The following FAN1 variants were observed in gnomAD, a reference collection of about 807,000 sequenced individuals.
FAN1 encodes FANCD2 and FANCI associated nuclease 1.
Under a neutral mutation model 104.9 loss-of-function variants are expected in FAN1, and 91 were observed. The observed-to-expected ratio is 0.87, with a 90% CI of 0.73 to 1.03. The LOEUF (loss-of-function observed/expected upper bound fraction) is 1.03, where lower values mean the gene tolerates loss of function less well. Ranked by LOEUF, FAN1 falls within the 50% of genes least tolerant of loss-of-function variation. The pLI is 0.00. For missense variants in FAN1, 1,263 were observed against 1,239.9 expected (o/e 1.02, Z -0.28); for synonymous variants, 478 against 457.6 (o/e 1.04, Z -0.57).
rs1020700775 is a variant in FAN1, at chr15:30,942,535, T to C, written c.*973T>C. On this transcript the variant is annotated 3_prime_UTR_variant, in exon 15 of 15. Coordinates refer to ENST00000362065, the MANE Select transcript of FAN1 (RefSeq NM_014967.5). ...TTAAAAAGGCAAACAATGAATGTTA[T>C]TAGGACAAGAATATAGCAGTCAGGA... 1 of 302,254 alleles carries C rather than the reference T, an allele frequency of 3.3e-6. No individual in the cohort carries two copies. Among genetic ancestry groups the C allele is most frequent in the Non-Finnish European group, 6.1e-6 (1 of 165,010 alleles). 18.7% of individuals were successfully genotyped at this position (302,254 alleles called of 1,614,324 possible).
chr15:30,915,036 A>C lies in FAN1; in HGVS notation c.1811+945A>C, dbSNP rs1331792414. On this transcript the variant is annotated intron_variant, in intron 5 of 14. Coordinates refer to ENST00000362065, the MANE Select transcript of FAN1 (RefSeq NM_014967.5). Reference sequence around the variant, plus strand: ...CTATTGCAGTCTATTCACAATAGCCAAGATAGGGAGTCAACCTAAGTGTCC... The same window carrying C: ...CTATTGCAGTCTATTCACAATAGCCCAGATAGGGAGTCAACCTAAGTGTCC... Among the ~76,000 whole-genome samples the C allele has an allele frequency of 2.6e-5, 4 of 152,388 alleles. No homozygotes were observed. The East Asian group carries it at 7.7e-4, about 29-fold the overall frequency.
At position 30,904,835 on chromosome 15, in the gene FAN1, C is replaced by G. The variant is rs754760573; in HGVS notation, c.172C>G (p.Arg58Gly). The change falls in exon 2 of 15, where the codon CGG becomes GGG. Residue 58 changes from arginine (R) to glycine (G), a missense_variant. Physicochemically the swap from Arg to Gly is moderately radical, Grantham distance 125. This residue lies in a region of FAN1 where 682 missense variants were observed against 571.1 expected (regional missense o/e 1.19). Coordinates refer to ENST00000362065, the MANE Select transcript of FAN1 (RefSeq NM_014967.5). ...SKMVPRYDLN[R>G]HLDEMCANND... ...AATGGTGCCTAGATATGACTTAAACCGGCACCTTGATGAAATGTGTGCTAA... is the reference window on the plus strand; with the variant it reads ...AATGGTGCCTAGATATGACTTAAACGGGCACCTTGATGAAATGTGTGCTAA... 1.2e-6 allele frequency: 2 copies of G among 1,613,128 alleles called. No homozygotes were observed. The highest frequency in any genetic ancestry group is 8.5e-7 in the Non-Finnish European group (1 of 1,179,294).
At chr15:30,906,852 T>C (rs1399916065) in intron 2 of FAN1, among the ~76,000 whole-genome samples, 1 of 152,222 alleles carries the variant, frequency 6.6e-6, no homozygotes, top group Non-Finnish European at 1.5e-5. Context: ...TAATAGCACA[T>C]TGGCTTTTCT....
Position 30,904,834 on chromosome 15 carries a change from C to T in FAN1, c.171C>T (p.Asn57=), listed in dbSNP as rs751192352. Residue 57 remains asparagine (N), a synonymous_variant, in exon 2 of 15, where the codon AAC becomes AAT. Transcript: ENST00000362065. ...CSKMVPRYDL[N]RHLDEMCANN... is the part of the protein sequence containing the mutation. ...AAATGGTGCCTAGATATGACTTAAA[C>T]CGGCACCTTGATGAAATGTGTGCTA... 8 of 1,613,334 alleles carry T rather than the reference C, an allele frequency of 5.0e-6. No homozygotes were observed. The highest frequency in any genetic ancestry group is 6.8e-6 in the Non-Finnish European group (8 of 1,179,336).
At position 30,942,371 on chromosome 15, in the gene FAN1, C is replaced by G. The variant is rs147975640; in HGVS notation, c.*809C>G. The G allele has an allele frequency of 3.5e-4, 159 of 448,452 alleles. 2 individuals are homozygous for G. The East Asian group carries it at 6.3e-3, about 18-fold the overall frequency. The allele number at this position is 448,452 out of a possible 1,614,324, so 27.8% of individuals were successfully genotyped here. Reference sequence around the variant, plus strand: ...AAGACGGGCTAGAAAAAACACTAGACCTGGCCGATTCTATCAAGAACAATG... The same window carrying G: ...AAGACGGGCTAGAAAAAACACTAGAGCTGGCCGATTCTATCAAGAACAATG... On this transcript the variant is annotated 3_prime_UTR_variant, in exon 15 of 15. Coordinates refer to ENST00000362065, the MANE Select transcript of FAN1 (RefSeq NM_014967.5).
chr15:30,912,602 C>T (rs2062122110), intron 4 of FAN1, among the ~76,000 whole-genome samples: 1 of 152,192 alleles, frequency 6.6e-6, no homozygotes, highest in Non-Finnish European at 1.5e-5. Flanking sequence ...TGGCACTCAT[C>T]TCTCCCACAC....
rs770905269 is a variant in FAN1 at position 30,905,307 on chromosome 15, T to G, written c.644T>G (p.Val215Gly). The change falls in exon 2 of 15, where the codon GTG (valine) becomes GGG (glycine). Residue 215 changes from valine to glycine, a missense_variant. By Grantham distance (109) the Val-to-Gly change is moderately radical (BLOSUM62 -3). Coordinates refer to ENST00000362065, the MANE Select transcript of FAN1 (RefSeq NM_014967.5). ...GAGAACAGTTCTCAAAAAGAAAACG[T>G]GTTTAAATGTGATTCTCTAAAGGAA... is the stretch of plus-strand genomic sequence containing the variant. ...ILENSSQKEN[V>G]FKCDSLKEEC... 65 of 1,613,828 alleles carry G rather than the reference T, an allele frequency of 4.0e-5. No individual in the cohort carries two copies. Among genetic ancestry groups the G allele is most frequent in the Non-Finnish European group, 5.4e-5 (64 of 1,179,984 alleles).
intron 14 of FAN1, chr15:30,941,018 G>A (rs1164803967): frequency 5.1e-6 from 6 of 1,166,080 alleles, no homozygotes; most frequent in Non-Finnish European, 6.4e-6. Flanking sequence ...AATTAGAGAC[G>A]ACAGAAAGTA....
In FAN1 at chr15:30,910,777, C is replaced by T. The variant is rs778735115; in HGVS notation, c.1539C>T (p.Gly513=). 38 of 1,613,912 alleles carry T rather than the reference C, an allele frequency of 2.4e-5. No homozygotes were observed. Among genetic ancestry groups the T allele is most frequent in the Non-Finnish European group, 3.1e-5 (37 of 1,179,968 alleles). The change falls in exon 4 of 15, where the codon GGC becomes GGT. Residue 513 remains glycine, a synonymous_variant. Transcript: ENST00000362065. Reference sequence around the variant, plus strand: ...AACAGCGTTCAGTCTGCACTTGGGGCAAGAATAAGCCTGGAATTGGTGCAG... The same window carrying T: ...AACAGCGTTCAGTCTGCACTTGGGGTAAGAATAAGCCTGGAATTGGTGCAG... ...LAKQRSVCTW[G]KNKPGIGAVI...
intron 13 of FAN1, among the ~76,000 whole-genome samples, chr15:30,932,598 A>G (rs948382935): frequency 8.5e-5 from 13 of 152,244 alleles, no homozygotes; most frequent in Admixed American, 2.0e-4. Context: ...TTTAAACAAC[A>G]TAAGGCTGTT....
At chr15:30,906,869 A>G (rs1308465726) in intron 2 of FAN1, among the ~76,000 whole-genome samples, 1 of 152,180 alleles carries the variant, frequency 6.6e-6, no homozygotes, top group Non-Finnish European at 1.5e-5. Flanking sequence ...TTCTATCCAA[A>G]CTAGTCACAG....
intron 14 of FAN1, chr15:30,939,336 G>T: frequency 1.0e-6 from 1 of 985,464 alleles, no homozygotes; most frequent in Non-Finnish European, 1.2e-6. Flanking sequence ...GGGCTCTGCT[G>T]GCGGGCAGCA....
intron 4 of FAN1, among the ~76,000 whole-genome samples, chr15:30,912,091 C>G (rs12907055): frequency 0.19 from 28,834 of 151,390 alleles, 2,980 homozygotes; most frequent in African/African-American, 0.28. Context: ...GCAGCCCTTT[C>G]TTGGTATATG....
At chr15:30,929,120 A>G in intron 11 of FAN1, 83 bp from the exon 12 acceptor site, 1 of 1,239,774 alleles carries the variant, frequency 8.1e-7, no homozygotes, top group African/African-American at 1.6e-5. Flanking sequence ...CCGGTTTCCA[A>G]GTTTTGTATG....
At chr15:30,936,159 AAC>A (rs1016274536) in intron 13 of FAN1, among the ~76,000 whole-genome samples, 1 of 152,168 alleles carries the variant, frequency 6.6e-6, no homozygotes, top group African/African-American at 2.4e-5. Flanking sequence ...TAGTGAACAA[AAC>A]ACACAATTCT....
chr15:30,912,189 G>C (rs967949844), intron 4 of FAN1, among the ~76,000 whole-genome samples: 2 of 152,132 alleles, frequency 1.3e-5, no homozygotes, highest in South Asian at 4.1e-4. Context: ...CCTCAAGGCT[G>C]TTTTAGTTCT....
At chr15:30,940,827 C>A (rs1287559325) in intron 14 of FAN1, 1 of 988,470 alleles carries the variant, frequency 1.0e-6, no homozygotes, top group African/African-American at 1.7e-5. Context: ...AAAGGCACTT[C>A]TAAGTTTAAT....
chr15:30,908,982 C>G (rs904187593), intron 3 of FAN1, among the ~76,000 whole-genome samples: 41 of 152,336 alleles, frequency 2.7e-4, no homozygotes, highest in African/African-American at 8.9e-4. Flanking sequence ...ATCTGCCCCC[C>G]TTGCACACAC....
At chr15:30,933,016 G>A (rs1384385655) in intron 13 of FAN1, among the ~76,000 whole-genome samples, 2 of 151,982 alleles carry the variant, frequency 1.3e-5, no homozygotes, top group East Asian at 1.9e-4. Flanking sequence ...CACCGCACAC[G>A]GCCATGTATT....
Sources: allele counts gnomAD v4.1 joint callset (sites outside exome capture counted in the v4.1 genomes callset), GRCh38; gene constraint gnomAD v4.1.1; regional missense constraint gnomAD v4.1.1; transcripts MANE v1.5; gene names NCBI Gene and HGNC (gene_info 2026-07-23, HGNC 2026-07-21).